Variants in ST18 observed in about 807,000 individuals in gnomAD.
The protein encoded by ST18 is suppression of tumorigenicity 18 protein.
In ST18, 50 loss-of-function variants were observed where a neutral mutation model predicts 110.0. The observed-to-expected ratio is 0.45, with a 90% CI of 0.36 to 0.58. ST18 has a LOEUF of 0.58. ST18 is among the 20% of genes least tolerant of loss of function. The pLI, the probability that ST18 is intolerant of heterozygous loss-of-function variation, is 0.00. For synonymous variants in ST18, 461 were observed against 452.4 expected (o/e 1.02, Z -0.24); for missense variants, 1,306 against 1,280.1 (o/e 1.02, Z -0.31).
At chr8:52,280,364 A>G (rs1391075854) in intron 2 of ST18, among the ~76,000 whole-genome samples, 2 of 152,040 alleles carry the variant, frequency 1.3e-5, no homozygotes, top group Non-Finnish European at 2.9e-5. Context: ...TAAAAATACA[A>G]CTATATGGCT....
Position 52,321,999 on chromosome 8 carries a change from C to T in ST18, c.-465+87329G>A, listed in dbSNP as rs118133201. 1.0e-2 allele frequency among the ~76,000 whole-genome samples: 1,523 copies of T among 152,322 alleles called. 61 individuals carry two copies. Among genetic ancestry groups the T allele is most frequent in the East Asian group, 0.066 (345 of 5,188 alleles). ...ACTAGACCATTGCTTTTGTTCCCAG[C>T]ATCCTGCCTTCCCTCCCATCCATAT... is the stretch of plus-strand genomic sequence containing the variant. On this transcript the variant is annotated intron_variant, in intron 2 of 25. Coordinates refer to ENST00000689386, the MANE Select transcript of ST18 (RefSeq NM_001352837.2).
At chr8:52,344,407 T>A (rs984640449) in intron 2 of ST18, among the ~76,000 whole-genome samples, 2 of 240 alleles carry the variant, frequency 8.3e-3, no homozygotes, top group East Asian at 0.25. Flanking sequence ...ATAATAGCCT[T>A]TTTTTTTTTT....
intron 2 of ST18, among the ~76,000 whole-genome samples, chr8:52,247,719 C>G (rs2093969211): frequency 6.6e-6 from 1 of 152,204 alleles, no homozygotes; most frequent in African/African-American, 2.4e-5. Flanking sequence ...CTGCCTTAAA[C>G]TAAATTTGTT....
chr8:52,253,583 T>G (rs1380373548), intron 2 of ST18, among the ~76,000 whole-genome samples: 1 of 152,142 alleles, frequency 6.6e-6, no homozygotes, highest in African/African-American at 2.4e-5. Context: ...TTTCCTTATG[T>G]ATAGCTACTA....
intron 2 of ST18, among the ~76,000 whole-genome samples, chr8:52,308,075 G>C (rs2095843165): frequency 6.6e-6 from 1 of 152,166 alleles, no homozygotes; most frequent in South Asian, 2.1e-4. Flanking sequence ...CCGTGTTGAA[G>C]GTCACGGGAG....
At chr8:52,178,685 AAAC>A (rs1038772923) in intron 9 of ST18, among the ~76,000 whole-genome samples, 6 of 150,762 alleles carry the variant, frequency 4.0e-5, no homozygotes, top group African/African-American at 9.7e-5. Flanking sequence ...AAACCCACCA[AAAC>A]AACAACAACA....
chr8:52,340,433 C>G (rs1464318684), intron 2 of ST18, among the ~76,000 whole-genome samples: 1 of 152,180 alleles, frequency 6.6e-6, no homozygotes, highest in Non-Finnish European at 1.5e-5. Context: ...GGGCCTGGAT[C>G]CAGTGCAGGA....
chr8:52,389,721 C>A (rs1183564211), intron 2 of ST18, among the ~76,000 whole-genome samples: 1 of 152,226 alleles, frequency 6.6e-6, no homozygotes, highest in Non-Finnish European at 1.5e-5. Context: ...AGAGGCCCAA[C>A]TGGCCCTGCA....
intron 9 of ST18, among the ~76,000 whole-genome samples, chr8:52,177,349 G>A (rs2067325238): frequency 6.6e-6 from 1 of 152,180 alleles, no homozygotes; most frequent in Non-Finnish European, 1.5e-5. Flanking sequence ...TAGCATTCAA[G>A]CTCCTGACCT....
chr8:52,374,040 T>G (rs1217153584), intron 2 of ST18, among the ~76,000 whole-genome samples: 1 of 152,200 alleles, frequency 6.6e-6, no homozygotes, highest in East Asian at 1.9e-4. Context: ...CAGTGGACTG[T>G]CTTGCTTTCT....
At chr8:52,139,186 C>T (rs2053775511) in intron 17 of ST18, among the ~76,000 whole-genome samples, 1 of 152,032 alleles carries the variant, frequency 6.6e-6, no homozygotes, top group South Asian at 2.1e-4. Context: ...TTGCAAGTGC[C>T]ATTCACTCAC....
chr8:52,252,414 T>C (rs1156771765), intron 2 of ST18, among the ~76,000 whole-genome samples: 2 of 151,962 alleles, frequency 1.3e-5, no homozygotes, highest in African/African-American at 4.8e-5. Context: ...TCTGGTCTTT[T>C]CTAGGTCACT....
intron 2 of ST18, among the ~76,000 whole-genome samples, chr8:52,346,107 A>G (rs1343860967): frequency 2.0e-5 from 3 of 151,746 alleles, no homozygotes. Flanking sequence ...ATAAAATTAA[A>G]AACAGTAGGT....
At chr8:52,162,819 T>C (rs960721090) in intron 13 of ST18, among the ~76,000 whole-genome samples, 2 of 152,156 alleles carry the variant, frequency 1.3e-5, no homozygotes, top group African/African-American at 4.8e-5. Flanking sequence ...AAAAAATATA[T>C]TTTTCTCTTT....
At chr8:52,235,157 G>T (rs973161771) in intron 2 of ST18, among the ~76,000 whole-genome samples, 1 of 151,860 alleles carries the variant, frequency 6.6e-6, no homozygotes, top group Admixed American at 6.6e-5. Flanking sequence ...AAAATTACAC[G>T]ATGAATGCCA....
intron 2 of ST18, chr8:52,248,341 T>C (rs1256809722): frequency 6.6e-6 from 1 of 152,200 alleles, no homozygotes; most frequent in Non-Finnish European, 1.5e-5. Context: ...GATACTGATA[T>C]TATGAACACA....
intron 9 of ST18, among the ~76,000 whole-genome samples, chr8:52,173,240 G>T (rs907752636): frequency 6.6e-6 from 1 of 152,170 alleles, no homozygotes; most frequent in African/African-American, 2.4e-5. Context: ...AGGGAAATTA[G>T]CATGATCAAA....
At chr8:52,216,009 C>T (rs1189003756) in intron 6 of ST18, among the ~76,000 whole-genome samples, 5 of 152,234 alleles carry the variant, frequency 3.3e-5, no homozygotes, top group African/African-American at 7.2e-5. Context: ...CACAAAGCAA[C>T]ACCAACCTAT....
intron 2 of ST18, among the ~76,000 whole-genome samples, chr8:52,252,848 T>C (rs2094381401): frequency 6.6e-6 from 1 of 151,952 alleles, no homozygotes; most frequent in African/African-American, 2.4e-5. Flanking sequence ...AATCTTGGGT[T>C]ACAGGCATAC....
Sources: gnomAD v4.1 joint callset for allele counts (sites outside exome capture counted in the v4.1 genomes callset) on GRCh38, gnomAD v4.1.1 for gene constraint, MANE v1.5 for transcripts, NCBI Gene and HGNC (gene_info 2026-07-23, HGNC 2026-07-21) for gene names.